PROS1: variants seen among roughly 807,000 people sequenced by gnomAD.
PROS1 encodes the protein protein S.
A neutral mutation model predicts 75.9 loss-of-function variants in PROS1; 29 were observed. The observed-to-expected ratio is 0.38, with a 90% CI of 0.28 to 0.52. PROS1 has a LOEUF of 0.52. Among genes scored for constraint, PROS1 ranks in the 20% least tolerant of loss-of-function variants. The pLI, the probability that PROS1 is intolerant of heterozygous loss-of-function variation, is 0.83. For synonymous variants in PROS1, 245 were observed against 280.6 expected, an observed-to-expected ratio of 0.87 and a Z score of 1.27; for missense variants, 680 against 810.3, an observed-to-expected ratio of 0.84 and a Z score of 1.95.
chr3:93,880,996 A>T (rs1307756332), intron 12 of PROS1, among the ~76,000 whole-genome samples: 1 of 152,190 alleles, frequency 6.6e-6, no homozygotes, highest in Admixed American at 6.5e-5. Context: ...TGTTAGAAAA[A>T]GGGAAATCAT....
In PROS1 at chr3:93,873,958, T is replaced by C. The variant is rs531381061; in HGVS notation, c.*287A>G. The C allele has an allele frequency of 2.6e-5, 9 of 344,834 alleles. No homozygotes were observed. The South Asian group carries it at 3.0e-4, about 11-fold the overall frequency. 21.4% of individuals were successfully genotyped at this position (344,834 alleles called of 1,614,324 possible). ...CTAGTTCATGATGATAAAATTAAAA[T>C]TTAGTTTTACAAACAAAAATTGAAA... On this transcript the variant is annotated 3_prime_UTR_variant, in exon 15 of 15. Transcript: ENST00000394236.
rs1417053509 is a variant in PROS1, at chr3:93,884,925, T to A, written c.1324-29A>T. The A allele has an allele frequency of 4.4e-6, 7 of 1,597,386 alleles. No individual in the cohort carries two copies. The African/African-American group carries it at 9.4e-5, about 21-fold the overall frequency. On this transcript the variant is annotated intron_variant, in intron 11 of 14. Coordinates refer to ENST00000394236, the MANE Select transcript of PROS1 (RefSeq NM_000313.4). ...ACAAATTAAAATACAAGTCAAGGAG[T>A]GCATTTTAAACTTAAACAGTGGCTC...
intron 1 of PROS1, among the ~76,000 whole-genome samples, chr3:93,939,490 C>T (rs1200458811): frequency 6.6e-6 from 1 of 152,110 alleles, no homozygotes; most frequent in Non-Finnish European, 1.5e-5. Flanking sequence ...CCTCGGCCTC[C>T]ACTCCCCGAC....
intron 1 of PROS1, among the ~76,000 whole-genome samples, chr3:93,937,048 G>A (rs752062838): frequency 1.3e-4 from 20 of 152,288 alleles, no homozygotes; most frequent in African/African-American, 2.6e-4. Flanking sequence ...GAGTTGATCC[G>A]TAGCAGGACG....
rs1708152616 is a variant in PROS1, at chr3:93,874,362, G to A, written c.1914C>T (p.Gly638=). 2 of 1,613,360 alleles carry A rather than the reference G, an allele frequency of 1.2e-6. No homozygotes were observed. The highest frequency in any genetic ancestry group is 8.5e-7 in the Non-Finnish European group (1 of 1,179,520). ...SATPVNAFYN[G]CMEVNINGVQ... ...CACCATTAATATTCACTTCCATGCAGCCATTATAAAAGGCATTCACTGGTG... is the reference window on the plus strand; with the variant it reads ...CACCATTAATATTCACTTCCATGCAACCATTATAAAAGGCATTCACTGGTG... Residue 638 remains glycine (G), a synonymous_variant, in exon 15 of 15, where the codon GGC becomes GGT. Transcript: ENST00000394236.
chr3:93,934,698 T>C (rs1048610813), intron 1 of PROS1, among the ~76,000 whole-genome samples: 4 of 152,092 alleles, frequency 2.6e-5, no homozygotes, highest in Admixed American at 1.3e-4. Context: ...ATGTTACACA[T>C]ATAAAGGCGA....
rs1375580232 is a variant in PROS1, at chr3:93,927,548, A to C, written c.77-141T>G. The C allele has an allele frequency of 5.8e-6, 6 of 1,036,686 alleles. No homozygotes were observed. The South Asian group carries it at 8.4e-5, about 15-fold the overall frequency. The allele number at this position is 1,036,686 out of a possible 1,614,324, so 64.2% of individuals were successfully genotyped here. ...ATCAGTATGATCGAACTAAGAAAAA[A>C]ATGCAGATACAGAAGCACGTTGGTT... On this transcript the variant is annotated intron_variant, in intron 1 of 14. Transcript: ENST00000394236.
intron 3 of PROS1, among the ~76,000 whole-genome samples, chr3:93,917,148 G>A (rs1380112657): frequency 1.3e-5 from 2 of 152,192 alleles, no homozygotes. Flanking sequence ...GATCGCTGGT[G>A]TTTGAAAATC....
At chr3:93,951,310 G>A (rs1451463882) in intron 1 of PROS1, among the ~76,000 whole-genome samples, 2 of 152,110 alleles carry the variant, frequency 1.3e-5, no homozygotes, top group East Asian at 1.9e-4. Context: ...CACCAAAGTT[G>A]AAATGAAGGA....
At chr3:93,900,206 G>T (rs1708569985) in intron 7 of PROS1, among the ~76,000 whole-genome samples, 1 of 152,218 alleles carries the variant, frequency 6.6e-6, no homozygotes, top group African/African-American at 2.4e-5. Flanking sequence ...GCAGTCACAT[G>T]AAGTAACAGC....
chr3:93,896,916 G>A (rs1008093617), intron 8 of PROS1, among the ~76,000 whole-genome samples: 4 of 151,982 alleles, frequency 2.6e-5, no homozygotes, highest in Non-Finnish European at 5.9e-5. Flanking sequence ...TTAAAGCCTC[G>A]TTCAATGTGC....
chr3:93,895,895 C>T (rs1280504044), intron 9 of PROS1, among the ~76,000 whole-genome samples: 3 of 151,970 alleles, frequency 2.0e-5, no homozygotes, highest in Admixed American at 6.6e-5. Flanking sequence ...ACCTGGGAGG[C>T]GAAGGTTGCA....
At chr3:93,941,370 G>A (rs1030242538) in intron 1 of PROS1, among the ~76,000 whole-genome samples, 5 of 151,984 alleles carry the variant, frequency 3.3e-5, no homozygotes, top group African/African-American at 4.8e-5. Flanking sequence ...GAAAACCCAC[G>A]TGCTCTCCCT....
At chr3:93,944,431 A>G (rs1709346379) in intron 1 of PROS1, among the ~76,000 whole-genome samples, 1 of 152,212 alleles carries the variant, frequency 6.6e-6, no homozygotes, top group South Asian at 2.1e-4. Flanking sequence ...CAAATCTAAA[A>G]GAACAGAAAT....
In PROS1 at chr3:93,902,521, G is replaced by A. The variant is rs528317119; in HGVS notation, c.602-1592C>T. Among the ~76,000 whole-genome samples, 6 of 152,196 alleles carry A rather than the reference G, an allele frequency of 3.9e-5. 1 individual carries two copies. The South Asian group carries it at 6.2e-4, about 16-fold the overall frequency. On this transcript the variant is annotated intron_variant, in intron 6 of 14. Transcript: ENST00000394236. ...TAATCCCAGCACTTTGGAAGGCCAA[G>A]GTGGGCAGATCACTTGAGCTCAGGC...
chr3:93,933,630 T>C (rs554657332), intron 1 of PROS1, among the ~76,000 whole-genome samples: 7 of 151,148 alleles, frequency 4.6e-5, no homozygotes, highest in Admixed American at 1.3e-4. Context: ...ATTTAAAAAA[T>C]TAATTAATAA....
At chr3:93,923,068 A>C (rs1410094631) in intron 3 of PROS1, among the ~76,000 whole-genome samples, 2 of 152,198 alleles carry the variant, frequency 1.3e-5, no homozygotes, top group East Asian at 3.8e-4. Context: ...AACAGTTAAA[A>C]ATTTTTAGGT....
At chr3:93,891,887 T>C (rs1449525325) in intron 10 of PROS1, among the ~76,000 whole-genome samples, 1 of 151,994 alleles carries the variant, frequency 6.6e-6, no homozygotes, top group Admixed American at 6.6e-5. Flanking sequence ...AGACCCTGTG[T>C]CTATTTTTTT....
At chr3:93,941,214 A>G (rs775538654) in intron 1 of PROS1, among the ~76,000 whole-genome samples, 3 of 152,088 alleles carry the variant, frequency 2.0e-5, no homozygotes, top group Admixed American at 6.6e-5. Context: ...TATGTTGATG[A>G]CCTACTTTGT....
Sources: allele counts gnomAD v4.1 joint callset (sites outside exome capture counted in the v4.1 genomes callset), GRCh38; gene constraint gnomAD v4.1.1; transcripts MANE v1.5; gene names NCBI Gene and HGNC (gene_info 2026-07-23, HGNC 2026-07-21).